The following GNRH1 variants were observed in gnomAD, a reference collection of about 807,000 sequenced individuals.
The protein encoded by GNRH1 is progonadoliberin-1.
GNRH1 carries 9 observed loss-of-function variants against 13.6 expected under a neutral mutation model. The observed-to-expected ratio is 0.66, with a 90% CI of 0.40 to 1.15. The LOEUF is 1.15. Among genes scored for constraint, GNRH1 ranks in the 50% most tolerant of loss-of-function variants. The probability of loss-of-function intolerance (pLI) is 0.01; values close to 1 mark genes in which losing one functional copy is unlikely to be tolerated. For missense variants in GNRH1, 116 were observed against 110.8 expected (o/e 1.05, Z -0.21); for synonymous variants, 44 against 40.1 (o/e 1.10, Z -0.37).
chr8:25,421,542 CT>C (rs750820175), intron 3 of GNRH1, 30 bp downstream of exon 3: 1 of 1,105,898 alleles, frequency 9.0e-7, no homozygotes, highest in Non-Finnish European at 1.4e-6. Context: ...GAGCTCTATG[CT>C]GTGATCATGT....
chr8:25,424,569 G>A (rs1801818518), upstream of GNRH1: 1 of 152,168 alleles, frequency 6.6e-6, no homozygotes, highest in South Asian at 2.1e-4. Context: ...CCTATCAAGA[G>A]TTCAAGGAAA....
chr8:25,423,717 A>C (rs1801805821), intron 1 of GNRH1: 1 of 233,786 alleles, frequency 4.3e-6, no homozygotes, highest in Admixed American at 5.2e-5. Context: ...GAACTGAGTC[A>C]TCTGTTAAGA....
intron 3 of GNRH1, among the ~76,000 whole-genome samples, chr8:25,421,074 G>C (rs1801765842): frequency 6.6e-6 from 1 of 151,920 alleles, no homozygotes; most frequent in Admixed American, 6.6e-5. Context: ...TTAGTAGTTT[G>C]GCATTTTTCA....
At chr8:25,421,703 A>G (rs1036594650) in intron 2 of GNRH1, 35 bp from the exon 3 acceptor site, 3 of 1,119,170 alleles carry the variant, frequency 2.7e-6, no homozygotes, top group African/African-American at 3.1e-5. Context: ...TGAGATGGAG[A>G]TAAAGAAATG....
At chr8:25,423,446 G>T in intron 1 of GNRH1, 115 bp from the exon 2 acceptor site, 1 of 903,050 alleles carries the variant, frequency 1.1e-6, no homozygotes, top group Non-Finnish European at 1.8e-6. Flanking sequence ...GAAGATGGAA[G>T]TCAGAGTCAG....
chr8:25,422,211 T>A (rs969606473), intron 2 of GNRH1, among the ~76,000 whole-genome samples: 1 of 152,140 alleles, frequency 6.6e-6, no homozygotes, highest in Admixed American at 6.5e-5. Flanking sequence ...CCTAGGTTAT[T>A]TTTCAGGTTA....
At chr8:25,422,724 A>G (rs1352451655) in intron 2 of GNRH1, among the ~76,000 whole-genome samples, 1 of 152,176 alleles carries the variant, frequency 6.6e-6, no homozygotes, top group Non-Finnish European at 1.5e-5. Context: ...TGCCCCTATC[A>G]GTGAAAAGAA....
chr8:25,421,142 C>G (rs962240251), intron 3 of GNRH1, among the ~76,000 whole-genome samples: 2 of 152,096 alleles, frequency 1.3e-5, no homozygotes, highest in East Asian at 3.9e-4. Flanking sequence ...TCTCTATTCC[C>G]CAAGGTTCTG....
At chr8:25,420,142 G>A (rs542774341) in intron 3 of GNRH1, among the ~76,000 whole-genome samples, 55 of 152,254 alleles carry the variant, frequency 3.6e-4, no homozygotes, top group African/African-American at 1.0e-3. Context: ...TAGGCTGGGC[G>A]TGGTGGCTCA....
upstream of GNRH1, chr8:25,424,532 T>C (rs1266746272): frequency 6.6e-6 from 1 of 152,194 alleles, no homozygotes; most frequent in Non-Finnish European, 1.5e-5. Flanking sequence ...TCCAGCTAGA[T>C]TGGATTCCCT....
At position 25,423,201 on chromosome 8, in the gene GNRH1, A is replaced by T. The variant is rs1417922628; in HGVS notation, c.130T>A (p.Ser44Thr). The T allele has an allele frequency of 6.2e-7, 1 of 1,611,210 alleles. No homozygotes were observed. The highest frequency in any genetic ancestry group is 8.5e-7 in the Non-Finnish European group (1 of 1,177,342). ...GKRDAENLIDSFQEIVKEVGQ... is the reference protein window; with the variant it reads ...GKRDAENLIDTFQEIVKEVGQ... Reference sequence around the variant, plus strand: ...TGAGAGAAACTTACCTCTTGGAAAGAATCAATCAAATTTTCGGCATCTCTC... The same window carrying T: ...TGAGAGAAACTTACCTCTTGGAAAGTATCAATCAAATTTTCGGCATCTCTC... Residue 44 changes from serine (S) to threonine (T), a missense_variant, in exon 2 of 4, where the codon TCT (serine) becomes ACT (threonine). Physicochemically the swap from Ser to Thr is moderately conservative, Grantham distance 58. Transcript: ENST00000421054.
chr8:25,422,632 A>G (rs1460766663), intron 2 of GNRH1, among the ~76,000 whole-genome samples: 1 of 152,184 alleles, frequency 6.6e-6, no homozygotes, highest in Non-Finnish European at 1.5e-5. Context: ...ATGAATTTAA[A>G]TCAGCATGTT....
rs540685629 is a variant in GNRH1 at position 25,423,210 on chromosome 8, A to G, written c.121T>C (p.Leu41=). ...RPGGKRDAEN[L]IDSFQEIVKE... is the part of the protein sequence containing the mutation. ...CTTACCTCTTGGAAAGAATCAATCAAATTTTCGGCATCTCTCTTTCCTCCA... is the reference window on the plus strand; with the variant it reads ...CTTACCTCTTGGAAAGAATCAATCAGATTTTCGGCATCTCTCTTTCCTCCA... The change falls in exon 2 of 4, where the codon TTG becomes CTG. Residue 41 remains leucine, a synonymous_variant. Coordinates refer to ENST00000421054, the MANE Select transcript of GNRH1 (RefSeq NM_001083111.2). 2 of 1,612,482 alleles carry G rather than the reference A, an allele frequency of 1.2e-6. No homozygotes were observed. Among genetic ancestry groups the G allele is most frequent in the South Asian group, 2.2e-5 (2 of 91,052 alleles).
At chr8:25,424,158 A>C (rs1563241678) in intron 1 of GNRH1, 43 bp downstream of exon 1, 1 of 152,196 alleles carries the variant, frequency 6.6e-6, no homozygotes, top group Non-Finnish European at 1.5e-5. Flanking sequence ...CATGCAATCT[A>C]AAGAAGAAAA....
chr8:25,421,726 C>T, intron 2 of GNRH1, 58 bp from the exon 3 acceptor site: 1 of 851,854 alleles, frequency 1.2e-6, no homozygotes, highest in South Asian at 1.4e-5. Context: ...ATGGTGTTTT[C>T]CATTTCCACC....
In GNRH1 at chr8:25,419,347, G is replaced by A; in HGVS notation, c.*72C>T. On this transcript the variant is annotated 3_prime_UTR_variant, in exon 4 of 4. Transcript: ENST00000421054. ...CATACCATTTACAGGTATTTAATGG[G>A]TTATAAATTTTCAATGTCAGAATTA... The A allele has an allele frequency of 1.2e-6, 1 of 840,238 alleles. No homozygotes were observed. Among genetic ancestry groups the A allele is most frequent in the Non-Finnish European group, 2.1e-6 (1 of 473,248 alleles). The allele number at this position is 840,238 out of a possible 1,614,324, so 52.0% of individuals were successfully genotyped here. A position where few individuals can be genotyped will look rare whatever the true frequency, so the allele number is the denominator to read the frequency against.
rs1204288439 is a variant in GNRH1 at position 25,419,403 on chromosome 8, T to C, written c.*16A>G. ...AAGTCATGTTAGTAATGGTCATTCC[T>C]TCTGGCCCAATGGATTTAAATCTTC... is the stretch of plus-strand genomic sequence containing the variant. On this transcript the variant is annotated 3_prime_UTR_variant, in exon 4 of 4. Coordinates refer to ENST00000421054, the MANE Select transcript of GNRH1 (RefSeq NM_001083111.2). 1.4e-6 allele frequency: 2 copies of C among 1,394,534 alleles called. No individual in the cohort carries two copies. Among genetic ancestry groups the C allele is most frequent in the East Asian group, 2.3e-5 (1 of 43,858 alleles). The allele number at this position is 1,394,534 out of a possible 1,614,324, so 86.4% of individuals were successfully genotyped here.
In GNRH1 at chr8:25,421,593, G is replaced by GAACGTGGTTCA; in HGVS notation, c.216_217insTGAACCACGTT (p.Arg73Ter). The GAACGTGGTTCA allele has an allele frequency of 6.3e-7, 1 of 1,594,040 alleles. No individual in the cohort carries two copies. ...CTTACCAGAGCTCCTTTCAGGTCTCGGAGGGGAGAACGTGGCTGGTGCGTG... is the reference window on the plus strand; with the variant it reads ...CTTACCAGAGCTCCTTTCAGGTCTCGAACGTGGTTCAGAGGGGAGAACGTGGCTGGTGCGTG... On this transcript the variant is annotated stop_gained and frameshift_variant, in exon 3 of 4. Coordinates refer to ENST00000421054, the MANE Select transcript of GNRH1 (RefSeq NM_001083111.2). LOFTEE classifies it high-confidence loss of function.
At chr8:25,421,115 C>T (rs1267555541) in intron 3 of GNRH1, among the ~76,000 whole-genome samples, 2 of 152,040 alleles carry the variant, frequency 1.3e-5, no homozygotes, top group Admixed American at 1.3e-4. Flanking sequence ...AACCCATCTA[C>T]AGCAGTGTTT....
Sources: allele counts gnomAD v4.1 joint callset (sites outside exome capture counted in the v4.1 genomes callset), GRCh38; gene constraint gnomAD v4.1.1; transcripts MANE v1.5; gene names NCBI Gene and HGNC (gene_info 2026-07-23, HGNC 2026-07-21).